Variants in KRT86 observed in about 807,000 individuals in gnomAD.
KRT86 encodes the protein keratin 86.
KRT86 carries 30 observed loss-of-function variants against 41.2 expected under a neutral mutation model. The observed-to-expected ratio is 0.73, with a 90% CI of 0.54 to 0.99. The LOEUF (loss-of-function observed/expected upper bound fraction) is 0.99. Among genes scored for constraint, KRT86 ranks in the 50% least tolerant of loss-of-function variants. The pLI is 0.00. For synonymous variants in KRT86, 238 were observed against 238.1 expected (o/e 1.00, Z 0.00); for missense variants, 561 against 571.4 (o/e 0.98, Z 0.19).
intron 2 of KRT86, among the ~76,000 whole-genome samples, chr12:52,297,404 G>T (rs1938275400): frequency 6.6e-6 from 1 of 152,154 alleles, no homozygotes; most frequent in East Asian, 1.9e-4. Flanking sequence ...ATTAAGACAG[G>T]ATTGAGCATA....
At chr12:52,282,732 T>A (rs1937804819) in intron 2 of KRT86, among the ~76,000 whole-genome samples, 1 of 152,132 alleles carries the variant, frequency 6.6e-6, no homozygotes, top group African/African-American at 2.4e-5. Context: ...TACGCCCACT[T>A]TAGCCCCACT....
chr12:52,288,604 G>A, intron 2 of KRT86: 2 of 1,016,452 alleles, frequency 2.0e-6, no homozygotes, highest in Non-Finnish European at 3.1e-6. Flanking sequence ...CCCTTCCTGG[G>A]ATGAGCTGGC....
chr12:52,290,534 AC>A (rs759612226), intron 2 of KRT86, among the ~76,000 whole-genome samples: 125 of 6,104 alleles, frequency 0.02, 15 homozygotes, highest in Middle Eastern at 0.083. Flanking sequence ...GAGTTGAGTG[AC>A]CCCCCCCCCC....
chr12:52,287,254 G>A, intron 2 of KRT86: 3 of 1,614,112 alleles, frequency 1.9e-6, no homozygotes, highest in Non-Finnish European at 2.5e-6. Flanking sequence ...CCAGCTTGCA[G>A]CGGGCATCAC....
chr12:52,297,406 T>C (rs1466259521), intron 2 of KRT86, among the ~76,000 whole-genome samples: 1 of 152,164 alleles, frequency 6.6e-6, no homozygotes, highest in Admixed American at 6.5e-5. Context: ...TAAGACAGGA[T>C]TGAGCATAGA....
Position 52,288,591 on chromosome 12 carries a change from C to T in KRT86, c.-5+12645C>T, listed in dbSNP as rs111858567. On this transcript the variant is annotated intron_variant, in intron 2 of 10. Coordinates refer to ENST00000423955, the MANE Select transcript of KRT86 (RefSeq NM_001320198.2). ...CCATTCCCATGCCTTTCCTCCCCTT[C>T]TGCCCTTCCTGGGATGAGCTGGCAT... 668 of 1,090,162 alleles carry T rather than the reference C, an allele frequency of 6.1e-4. 3 individuals are homozygous for T. The African/African-American group carries it at 8.3e-3, about 14-fold the overall frequency. 67.5% of individuals were successfully genotyped at this position (1,090,162 alleles called of 1,614,324 possible). A position where few individuals can be genotyped will look rare whatever the true frequency, so the allele number is the denominator to read the frequency against.
chr12:52,308,510 G>A lies in KRT86; in HGVS notation c.1386G>A (p.Val462=), dbSNP rs773647506. Residue 462 remains valine, a synonymous_variant, in exon 11 of 11, where the codon GTG becomes GTA. Coordinates refer to ENST00000423955, the MANE Select transcript of KRT86 (RefSeq NM_001320198.2). ...GTAGCGTCCCCAGCAACAGCAACGT[G>A]GTGGTGGGCACTACTAACGCCTGCG... The part of the protein sequence containing the change: ...RVSSVPSNSN[V]VVGTTNACAP... The A allele has an allele frequency of 1.9e-6, 3 of 1,606,854 alleles. No homozygotes were observed. The South Asian group carries it at 3.3e-5, about 18-fold the overall frequency.
intron 9 of KRT86, chr12:52,306,535 C>CT: frequency 1.6e-6 from 1 of 622,894 alleles, no homozygotes; most frequent in Non-Finnish European, 2.7e-6. Context: ...ATTCCTGTTA[C>CT]TGAGAAGCCT....
Position 52,305,682 on chromosome 12 carries a change from C to T in KRT86, c.920C>T (p.Thr307Met), listed in dbSNP as rs372547107. 2.0e-5 allele frequency: 33 copies of T among 1,613,976 alleles called. No individual in the cohort carries two copies. The highest frequency in any genetic ancestry group is 2.6e-5 in the Non-Finnish European group (31 of 1,179,944). ...YRSKCEEMKATVIRHGETLRR... is the reference protein window; with the variant it reads ...YRSKCEEMKAMVIRHGETLRR... The stretch of plus-strand genomic sequence containing the variant: ...CCCCAGTGTGAGGAGATGAAGGCCA[C>T]GGTGATCAGGCACGGGGAGACCCTG... Residue 307 changes from threonine (T) to methionine (M), a missense_variant, in exon 8 of 11, where the codon ACG becomes ATG. By Grantham distance (81) the Thr-to-Met change is moderately conservative (BLOSUM62 -1). Coordinates refer to ENST00000423955, the MANE Select transcript of KRT86 (RefSeq NM_001320198.2).
intron 2 of KRT86, among the ~76,000 whole-genome samples, chr12:52,299,429 T>C (rs1938321680): frequency 6.6e-6 from 1 of 152,242 alleles, no homozygotes; most frequent in Non-Finnish European, 1.5e-5. Flanking sequence ...ATCTCTTTGA[T>C]ATAAGAATTT....
intron 2 of KRT86, among the ~76,000 whole-genome samples, chr12:52,301,445 C>CT (rs201018509): frequency 0.011 from 1,747 of 152,148 alleles, 29 homozygotes; most frequent in African/African-American, 0.04. Flanking sequence ...GGGATTCCCC[C>CT]TCCCAACATT....
intron 2 of KRT86, among the ~76,000 whole-genome samples, chr12:52,285,280 C>A (rs1364347419): frequency 6.6e-6 from 1 of 151,976 alleles, no homozygotes; most frequent in East Asian, 1.9e-4. Context: ...TATGCCACAT[C>A]ATCTTGCTAT....
intron 2 of KRT86, among the ~76,000 whole-genome samples, chr12:52,296,310 G>A (rs868155532): frequency 6.6e-6 from 1 of 152,216 alleles, no homozygotes. Flanking sequence ...TGGTGGAAGG[G>A]TCACTCCAGG....
At chr12:52,307,367 A>C (rs953037439) in intron 9 of KRT86, among the ~76,000 whole-genome samples, 1 of 152,234 alleles carries the variant, frequency 6.6e-6, no homozygotes, top group Non-Finnish European at 1.5e-5. Context: ...CCTCCATCAC[A>C]CGGGGCTCTT....
At position 52,275,937 on chromosome 12, in the gene KRT86, TGA is replaced by T; in HGVS notation, c.-10_-9del. 3.0e-6 allele frequency: 3 copies of T among 985,966 alleles called. No homozygotes were observed. Among genetic ancestry groups the T allele is most frequent in the Non-Finnish European group, 3.6e-6 (3 of 829,972 alleles). The allele number at this position is 985,966 out of a possible 1,614,324, so 61.1% of individuals were successfully genotyped here. A position where few individuals can be genotyped will look rare whatever the true frequency, so the allele number is the denominator to read the frequency against. ...GGCTGACGGTGGAGGTGGGCAGTGC[TGA>T]GAGTCAGGTGAGAGGTGGGAGTGGG... On this transcript the variant is annotated 5_prime_UTR_variant, in exon 2 of 11. Transcript: ENST00000423955.
At position 52,288,056 on chromosome 12, in the gene KRT86, G is replaced by T. The variant is rs575437435; in HGVS notation, c.-5+12110G>T. 3 of 1,614,046 alleles carry T rather than the reference G, an allele frequency of 1.9e-6. No individual in the cohort carries two copies. In the African/African-American group the frequency reaches 4.0e-5, roughly 22 times the overall value. On this transcript the variant is annotated intron_variant, in intron 2 of 10. Coordinates refer to ENST00000423955, the MANE Select transcript of KRT86 (RefSeq NM_001320198.2). The stretch of plus-strand genomic sequence containing the variant: ...TGTCGTCATACTGTGCCTTAATCTC[G>T]GCAATGATGCAGTCCATGTTCAGGT...
chr12:52,308,197 T>A (rs766467624), intron 9 of KRT86, 36 bp from the exon 10 acceptor site: 2 of 1,614,064 alleles, frequency 1.2e-6, no homozygotes, highest in South Asian at 1.1e-5. Context: ...CGGCGCCTTT[T>A]CCGCGGCACT....
chr12:52,294,062 A>G (rs1205709038), intron 2 of KRT86, among the ~76,000 whole-genome samples: 1 of 152,146 alleles, frequency 6.6e-6, no homozygotes, highest in East Asian at 1.9e-4. Context: ...CTATCTGGTC[A>G]CCCCAGAGAA....
In KRT86 at chr12:52,287,484, A is replaced by G. The variant is rs534658267; in HGVS notation, c.-5+11538A>G. On this transcript the variant is annotated intron_variant, in intron 2 of 10. Transcript: ENST00000423955. ...GAGAGACCACGACCAGGGACTCTAC[A>G]TGGACAAAGGGGGTGGAGAATGAAT... 5.0e-4 allele frequency: 805 copies of G among 1,602,380 alleles called. 1 individual carries two copies. The highest frequency in any genetic ancestry group is 6.6e-4 in the Non-Finnish European group (773 of 1,173,516).
Sources: allele counts gnomAD v4.1 joint callset (sites outside exome capture counted in the v4.1 genomes callset), GRCh38; gene constraint gnomAD v4.1.1; transcripts MANE v1.5; gene names NCBI Gene and HGNC (gene_info 2026-07-23, HGNC 2026-07-21).